Variants in METTL15 observed in about 807,000 individuals in gnomAD.
METTL15 encodes methyltransferase 15, mitochondrial 12S rRNA N4-cytidine, also known as 12S rRNA N(4)-cytidine methyltransferase METTL15.
Under a neutral mutation model 38.3 loss-of-function variants are expected in METTL15, and 34 were observed. The ratio of observed to expected loss-of-function variants is 0.89; its 90% CI spans 0.68 to 1.18. The LOEUF (loss-of-function observed/expected upper bound fraction) is 1.18, where lower values mean the gene tolerates loss of function less well. METTL15 is among the 50% of genes most tolerant of loss of function. The pLI is 0.00. For synonymous variants in METTL15, 162 were observed against 170.9 expected (o/e 0.95, Z 0.41); for missense variants, 438 against 498.4 (o/e 0.88, Z 1.15).
At chr11:28,174,915 C>CT (rs934731889) in intron 3 of METTL15, among the ~76,000 whole-genome samples, 15 of 147,480 alleles carry the variant, frequency 1.0e-4, no homozygotes, top group Admixed American at 6.8e-4. Flanking sequence ...CTTTGGAATT[C>CT]TTTTTTTTTA....
chr11:28,217,697 C>G (rs997154596), intron 4 of METTL15, among the ~76,000 whole-genome samples: 1 of 151,916 alleles, frequency 6.6e-6, no homozygotes, highest in African/African-American at 2.4e-5. Context: ...TTTAGGTCTA[C>G]CATTTAAGTC....
intron 5 of METTL15, among the ~76,000 whole-genome samples, chr11:28,362,704 C>CT (rs1166416313): frequency 6.6e-6 from 1 of 152,094 alleles, no homozygotes; most frequent in Non-Finnish European, 1.5e-5. Flanking sequence ...TGATTTTGTT[C>CT]TTTTTTATGG....
At chr11:28,233,240 G>A (rs1853766279) in intron 4 of METTL15, among the ~76,000 whole-genome samples, 1 of 151,946 alleles carries the variant, frequency 6.6e-6, no homozygotes, top group Non-Finnish European at 1.5e-5. Flanking sequence ...ATAATATACT[G>A]CTTAATAACA....
chr11:28,136,299 T>C (rs1387195679), intron 3 of METTL15, among the ~76,000 whole-genome samples: 1 of 152,174 alleles, frequency 6.6e-6, no homozygotes, highest in South Asian at 2.1e-4. Flanking sequence ...CCCTATACTG[T>C]TCTCATAGTA....
intron 6 of METTL15, among the ~76,000 whole-genome samples, chr11:28,516,408 G>C (rs1851719835): frequency 6.6e-6 from 1 of 152,186 alleles, no homozygotes; most frequent in African/African-American, 2.4e-5. Context: ...AACTGTGCTA[G>C]CAATGAAGGA....
intron 5 of METTL15, among the ~76,000 whole-genome samples, chr11:28,378,960 A>G (rs770734131): frequency 6.6e-6 from 1 of 151,894 alleles, no homozygotes; most frequent in Non-Finnish European, 1.5e-5. Context: ...TAAGTTGTAT[A>G]TGTCCAGGAC....
chr11:28,310,364 A>ACACAC (rs1349966688), intron 6 of METTL15, among the ~76,000 whole-genome samples: 1 of 151,860 alleles, frequency 6.6e-6, no homozygotes, highest in Non-Finnish European at 1.5e-5. Context: ...ACACACACAC[A>ACACAC]CACACACACA....
rs189636809 is a variant in METTL15 at position 28,390,770 on chromosome 11, G to T, written c.*358+28734G>T. 4.6e-3 allele frequency among the ~76,000 whole-genome samples: 702 copies of T among 152,120 alleles called. 8 individuals carry two copies. The highest frequency in any genetic ancestry group is 0.016 in the African/African-American group (646 of 41,506). On this transcript the variant is annotated intron_variant and NMD_transcript_variant, in intron 5 of 7. Transcript: ENST00000532947. Reference sequence around the variant, plus strand: ...GTTTTTTCCAATTGTGTGAAGAAAGGCATTGGTAGCTTGATGGGGATGGCA... The same window carrying T: ...GTTTTTTCCAATTGTGTGAAGAAAGTCATTGGTAGCTTGATGGGGATGGCA...
intron 6 of METTL15, among the ~76,000 whole-genome samples, chr11:28,498,260 G>A (rs186644061): frequency 2.6e-5 from 4 of 152,010 alleles, no homozygotes; most frequent in Admixed American, 2.0e-4. Flanking sequence ...CTGGGTTCAC[G>A]CCATTCTCCT....
At chr11:28,353,718 G>A (rs563426800) in intron 4 of METTL15, among the ~76,000 whole-genome samples, 9 of 152,024 alleles carry the variant, frequency 5.9e-5, no homozygotes, top group Admixed American at 1.3e-4. Context: ...GAGGTCAGGA[G>A]ATCGAGACCA....
intron 3 of METTL15, among the ~76,000 whole-genome samples, chr11:28,180,147 G>A (rs1357444903): frequency 6.6e-6 from 1 of 151,856 alleles, no homozygotes; most frequent in Non-Finnish European, 1.5e-5. Context: ...TACTATGGTA[G>A]ACCATAATGT....
chr11:28,426,754 A>C (rs373123716), intron 6 of METTL15, among the ~76,000 whole-genome samples: 4 of 151,310 alleles, frequency 2.6e-5, no homozygotes, highest in Non-Finnish European at 4.4e-5. Flanking sequence ...GTGTCTGTTC[A>C]TGTCCTTTGC....
chr11:28,524,902 C>T (rs944672530), intron 6 of METTL15, among the ~76,000 whole-genome samples: 3 of 152,016 alleles, frequency 2.0e-5, no homozygotes, highest in South Asian at 2.1e-4. Flanking sequence ...GCGGTGTGTC[C>T]GGAGTTTGTT....
At chr11:28,512,227 G>A (rs1030826551) in intron 6 of METTL15, among the ~76,000 whole-genome samples, 1 of 152,226 alleles carries the variant, frequency 6.6e-6, no homozygotes, top group African/African-American at 2.4e-5. Flanking sequence ...AGACATAAAG[G>A]TTCTCCAAGT....
chr11:28,424,804 G>A (rs1477347622), intron 6 of METTL15, among the ~76,000 whole-genome samples: 1 of 152,130 alleles, frequency 6.6e-6, no homozygotes, highest in African/African-American at 2.4e-5. Flanking sequence ...TGGCTGGTAT[G>A]ACACCAGACA....
At chr11:28,486,582 C>A (rs1337287361) in intron 6 of METTL15, among the ~76,000 whole-genome samples, 3 of 152,092 alleles carry the variant, frequency 2.0e-5, no homozygotes, top group African/African-American at 7.2e-5. Flanking sequence ...AAAGCCTGCG[C>A]CTCTCTAGTG....
In METTL15 at chr11:28,199,998, C is replaced by A. The variant is rs1460303506; in HGVS notation, c.271-11064C>A. Reference sequence around the variant, plus strand: ...ACCTCAGGTGATCCACCTGCCTCGGCCTCCCAAAGTTGACTTTTTAAAGGG... The same window carrying A: ...ACCTCAGGTGATCCACCTGCCTCGGACTCCCAAAGTTGACTTTTTAAAGGG... On this transcript the variant is annotated intron_variant, in intron 3 of 6. Coordinates refer to ENST00000407364, the MANE Select transcript of METTL15 (RefSeq NM_001113528.2). 2.6e-5 allele frequency among the ~76,000 whole-genome samples: 4 copies of A among 152,108 alleles called. No homozygotes were observed. In the South Asian group the frequency reaches 8.3e-4, roughly 31 times the overall value.
intron 4 of METTL15, among the ~76,000 whole-genome samples, chr11:28,217,462 T>G (rs539361456): frequency 1.4e-4 from 21 of 152,312 alleles, no homozygotes; most frequent in African/African-American, 5.1e-4. Context: ...ATATTAGCCC[T>G]TTGTCAGATG....
chr11:28,440,232 C>A (rs758011221), intron 6 of METTL15, among the ~76,000 whole-genome samples: 5 of 151,982 alleles, frequency 3.3e-5, no homozygotes, highest in South Asian at 4.2e-4. Flanking sequence ...GGAACTAAGA[C>A]CTAGAGGAGA....
Sources: allele counts gnomAD v4.1 joint callset (sites outside exome capture counted in the v4.1 genomes callset), GRCh38; gene constraint gnomAD v4.1.1; transcripts MANE v1.5; gene names NCBI Gene and HGNC (gene_info 2026-07-23, HGNC 2026-07-21).